The following JAK2 variants were observed in gnomAD, a reference collection of about 807,000 sequenced individuals.
JAK2 encodes the protein tyrosine-protein kinase JAK2.
JAK2 carries 86 observed loss-of-function variants against 139.3 expected under a neutral mutation model. That is an observed-to-expected ratio of 0.62 (90% CI 0.52 to 0.74). JAK2 has a LOEUF of 0.74. JAK2 is among the 30% of genes least tolerant of loss of function. The pLI is 0.00. For synonymous variants in JAK2, 490 were observed against 437.7 expected, an observed-to-expected ratio of 1.12 and a Z score of -1.49; for missense variants, 1,421 against 1,360.3, an observed-to-expected ratio of 1.04 and a Z score of -0.70.
intron 2 of JAK2, among the ~76,000 whole-genome samples, chr9:4,996,955 G>A (rs1282856823): frequency 8.1e-6 from 1 of 123,748 alleles, no homozygotes; most frequent in African/African-American, 3.1e-5. Context: ...TTTTTGAGAT[G>A]GTTTCACTGT....
rs1371009800 is a variant in JAK2 at position 5,129,677 on chromosome 9, T to G, written c.*2886T>G. ...AATATCAGAAATACTGTGTGTTTAC[T>G]CTCAGATTTTAGTTGGTTGGATTTA... On this transcript the variant is annotated 3_prime_UTR_variant, in exon 25 of 25. Transcript: ENST00000381652. Among the ~76,000 whole-genome samples, 1 of 152,128 alleles carries G rather than the reference T, an allele frequency of 6.6e-6. No homozygotes were observed. Among genetic ancestry groups the G allele is most frequent in the East Asian group, 1.9e-4 (1 of 5,200 alleles).
At chr9:5,049,318 A>G (rs1481506788) in intron 5 of JAK2, among the ~76,000 whole-genome samples, 1 of 152,200 alleles carries the variant, frequency 6.6e-6, no homozygotes. Flanking sequence ...TCGGACCCCA[A>G]CTTACTTTTC....
intron 6 of JAK2, among the ~76,000 whole-genome samples, chr9:5,051,320 A>C (rs888290527): frequency 1.3e-5 from 2 of 152,296 alleles, no homozygotes; most frequent in Non-Finnish European, 2.9e-5. Context: ...GAACAGAAGA[A>C]ACACCTGGAG....
intron 3 of JAK2, among the ~76,000 whole-genome samples, chr9:5,023,866 A>C (rs994053002): frequency 6.6e-6 from 1 of 152,088 alleles, no homozygotes; most frequent in Admixed American, 6.6e-5. Flanking sequence ...CTGATCCTTT[A>C]GCTTATAGTA....
intron 22 of JAK2, among the ~76,000 whole-genome samples, chr9:5,117,761 A>C (rs1823311635): frequency 6.6e-6 from 1 of 152,058 alleles, no homozygotes; most frequent in Admixed American, 6.5e-5. Flanking sequence ...GTTTTTTGGC[A>C]ACCTCAGTAA....
intron 2 of JAK2, among the ~76,000 whole-genome samples, chr9:5,004,710 T>C (rs1329589565): frequency 1.3e-5 from 2 of 152,198 alleles, no homozygotes; most frequent in Admixed American, 6.5e-5. Flanking sequence ...CCATTCATTT[T>C]CCATAGTGAC....
intron 4 of JAK2, among the ~76,000 whole-genome samples, chr9:5,034,253 G>A (rs1171881306): frequency 6.6e-6 from 1 of 152,086 alleles, no homozygotes; most frequent in Non-Finnish European, 1.5e-5. Context: ...AGTCCTTAGA[G>A]ACCTACAAAG....
At chr9:5,115,533 C>T (rs1823075762) in intron 22 of JAK2, among the ~76,000 whole-genome samples, 1 of 152,142 alleles carries the variant, frequency 6.6e-6, no homozygotes, top group Non-Finnish European at 1.5e-5. Context: ...GTTAGAAATA[C>T]CATTTCACTG....
chr9:5,090,087 G>GAAAGT (rs1307770598), intron 20 of JAK2, among the ~76,000 whole-genome samples: 3 of 152,146 alleles, frequency 2.0e-5, no homozygotes, highest in Non-Finnish European at 4.4e-5. Flanking sequence ...AGCTTACCAA[G>GAAAGT]AAAGTATCAT....
At chr9:5,060,347 C>G (rs1446885830) in intron 8 of JAK2, among the ~76,000 whole-genome samples, 1 of 152,184 alleles carries the variant, frequency 6.6e-6, no homozygotes, top group Non-Finnish European at 1.5e-5. Context: ...AAAGTTGTCT[C>G]TGTAGCATGT....
rs1022434222 is a variant in JAK2, at chr9:5,057,946, ACTGT to A, written c.1056+2161_1056+2164del. Among the ~76,000 whole-genome samples, 148 of 152,248 alleles carry A rather than the reference ACTGT, an allele frequency of 9.7e-4. 1 individual carries two copies. The highest frequency in any genetic ancestry group is 3.4e-3 in the African/African-American group (141 of 41,548). ...CCTCATAAAAGCAGGCTGAAACAATACTGTCTTTTTGTGACAGGCTTATTTCAGT... is the reference window on the plus strand; with the variant it reads ...CCTCATAAAAGCAGGCTGAAACAATACTTTTTGTGACAGGCTTATTTCAGT... On this transcript the variant is annotated intron_variant, in intron 8 of 24. Coordinates refer to ENST00000381652, the MANE Select transcript of JAK2 (RefSeq NM_004972.4).
intron 2 of JAK2, among the ~76,000 whole-genome samples, chr9:5,012,029 C>T (rs902113922): frequency 6.6e-6 from 1 of 152,172 alleles, no homozygotes; most frequent in African/African-American, 2.4e-5. Context: ...TTGCCTGTCC[C>T]TGGGCTTCGA....
chr9:5,090,834 T>G lies in JAK2; in HGVS notation c.2982T>G (p.Asp994Glu). 1.2e-6 allele frequency: 2 copies of G among 1,613,086 alleles called. No individual in the cohort carries two copies. The highest frequency in any genetic ancestry group is 1.7e-6 in the Non-Finnish European group (2 of 1,179,292). The change falls in exon 22 of 25, where the codon GAT becomes GAG. Residue 994 changes from aspartate (D) to glutamate (E), a missense_variant. Physicochemically the swap from Asp to Glu is conservative, Grantham distance 45. Transcript: ENST00000381652. The stretch of plus-strand genomic sequence containing the variant: ...ACGAGAACAGAGTTAAAATTGGAGA[T>G]TTTGGGTTAACCAAAGTCTTGCCAC... The part of the protein sequence containing the change: ...VENENRVKIG[D>E]FGLTKVLPQD...
chr9:5,035,909 G>T (rs764809720), intron 4 of JAK2, among the ~76,000 whole-genome samples: 13 of 152,192 alleles, frequency 8.5e-5, no homozygotes, highest in Non-Finnish European at 1.9e-4. Flanking sequence ...GGAAATAAAG[G>T]TTATTTGATT....
At chr9:5,040,140 A>G (rs1166399824) in intron 4 of JAK2, among the ~76,000 whole-genome samples, 1 of 152,248 alleles carries the variant, frequency 6.6e-6, no homozygotes, top group African/African-American at 2.4e-5. Flanking sequence ...GACAGTCTCA[A>G]TATAATTTCT....
chr9:5,026,979 AAGAGTATTC>A (rs1470045512), intron 3 of JAK2, among the ~76,000 whole-genome samples: 1 of 152,242 alleles, frequency 6.6e-6, no homozygotes, highest in Non-Finnish European at 1.5e-5. Context: ...TTGTTCTTTT[AAGAGTATTC>A]ATGACTTCTA....
At chr9:4,987,680 G>A (rs1401337018) in intron 2 of JAK2, among the ~76,000 whole-genome samples, 1 of 81,698 alleles carries the variant, frequency 1.2e-5, no homozygotes. Flanking sequence ...TGGTTGCAGT[G>A]AGCCGAGATC....
At chr9:5,037,946 C>T (rs1220983536) in intron 4 of JAK2, among the ~76,000 whole-genome samples, 1 of 152,126 alleles carries the variant, frequency 6.6e-6, no homozygotes, top group Admixed American at 6.5e-5. Context: ...AAATTTAAAA[C>T]AGTGTATCCA....
chr9:5,122,634 T>C (rs960996170), intron 22 of JAK2, among the ~76,000 whole-genome samples: 1 of 152,082 alleles, frequency 6.6e-6, no homozygotes, highest in African/African-American at 2.4e-5. Flanking sequence ...ACTCAGCATA[T>C]ATCCATATTC....
Sources: gnomAD v4.1 joint callset for allele counts (sites outside exome capture counted in the v4.1 genomes callset) on GRCh38, gnomAD v4.1.1 for gene constraint, MANE v1.5 for transcripts, NCBI Gene and HGNC (gene_info 2026-07-23, HGNC 2026-07-21) for gene names.